GPR161: variants seen among roughly 807,000 people sequenced by gnomAD.
The protein encoded by GPR161 is G protein-coupled receptor 161, also known as G-protein coupled receptor RE2.
In GPR161, 25 loss-of-function variants were observed where a neutral mutation model predicts 39.2. The ratio of observed to expected loss-of-function variants is 0.64; its 90% CI spans 0.47 to 0.89. The LOEUF is 0.89. Among genes scored for constraint, GPR161 ranks in the 40% least tolerant of loss-of-function variants. GPR161 has a pLI of 0.00. For synonymous variants in GPR161, 286 were observed against 276.6 expected (o/e 1.03, Z -0.34); for missense variants, 547 against 677.8 (o/e 0.81, Z 2.14).
Position 168,096,872 on chromosome 1 carries a change from G to A in GPR161, c.735C>T (p.Ser245=), listed in dbSNP as rs558255255. 1 of 1,614,158 alleles carries A rather than the reference G, an allele frequency of 6.2e-7. No individual in the cohort carries two copies. The highest frequency in any genetic ancestry group is 1.1e-5 in the South Asian group (1 of 91,080). The part of the protein sequence containing the change: ...QRTGRKNSST[S]TSSSGSRRNA... ...TCCTCCTGCTGCCTGAAGAGGAGGT[G>A]GAGGTGCTGGAGTTCTTCCTCCCGG... The change falls in exon 3 of 6, where the codon TCC becomes TCT. Residue 245 remains serine (S), a synonymous_variant. Transcript: ENST00000682931.
At chr1:168,100,997 T>C (rs190250598) in intron 2 of GPR161, among the ~76,000 whole-genome samples, 1 of 152,302 alleles carries the variant, frequency 6.6e-6, no homozygotes, top group East Asian at 1.9e-4. Context: ...GTTTAGGACA[T>C]TGACAAACTG....
At chr1:168,136,426 C>A in intron 1 of GPR161, 1 of 1,349,890 alleles carries the variant, frequency 7.4e-7, no homozygotes, top group Non-Finnish European at 9.5e-7. Flanking sequence ...CTTCGGGCGG[C>A]GCCGGAGAAA....
intron 1 of GPR161, among the ~76,000 whole-genome samples, chr1:168,120,107 T>C (rs1382014451): frequency 1.3e-5 from 2 of 152,152 alleles, no homozygotes; most frequent in Admixed American, 6.5e-5. Context: ...ACTTGCACCA[T>C]GCACCTGGAA....
At chr1:168,128,315 T>C (rs1484940601) in intron 1 of GPR161, among the ~76,000 whole-genome samples, 1 of 152,184 alleles carries the variant, frequency 6.6e-6, no homozygotes, top group Non-Finnish European at 1.5e-5. Flanking sequence ...TCAATCCCCA[T>C]TCTCCAGATC....
intron 1 of GPR161, among the ~76,000 whole-genome samples, chr1:168,111,041 G>A (rs1229696418): frequency 6.6e-6 from 1 of 152,136 alleles, no homozygotes; most frequent in Non-Finnish European, 1.5e-5. Flanking sequence ...GTTCCTAGAA[G>A]AAACGTCCGA....
intron 2 of GPR161, among the ~76,000 whole-genome samples, chr1:168,103,132 G>C (rs2102166047): frequency 6.6e-6 from 1 of 152,198 alleles, no homozygotes; most frequent in South Asian, 2.1e-4. Context: ...CCAGTAACAG[G>C]GGACTGTGAA....
Position 168,079,824 on chromosome 1 carries a change from T to C in GPR161, c.*5707A>G, listed in dbSNP as rs1307732748. 1 of 152,212 alleles carries C rather than the reference T, an allele frequency of 6.6e-6. No homozygotes were observed. The highest frequency in any genetic ancestry group is 1.5e-5 in the Non-Finnish European group (1 of 68,044). The allele number at this position is 152,212 out of a possible 1,614,324, so 9.4% of individuals were successfully genotyped here. On this transcript the variant is annotated 3_prime_UTR_variant, in exon 6 of 6. Transcript: ENST00000682931. The stretch of plus-strand genomic sequence containing the variant: ...TTCTACTGCTCTCAGTGTGGTCTTG[T>C]CTGCCAGGCCTGTGATTCTCCCTAG...
At chr1:168,116,182 G>A (rs1190502592) in intron 1 of GPR161, among the ~76,000 whole-genome samples, 3 of 152,164 alleles carry the variant, frequency 2.0e-5, no homozygotes, top group Non-Finnish European at 4.4e-5. Flanking sequence ...AGAGCAGAAT[G>A]CACCACTCCA....
At chr1:168,111,349 A>G (rs974105702) in intron 1 of GPR161, among the ~76,000 whole-genome samples, 1 of 152,224 alleles carries the variant, frequency 6.6e-6, no homozygotes, top group Non-Finnish European at 1.5e-5. Flanking sequence ...GGTCTAAACT[A>G]ATCACTATGT....
intron 1 of GPR161, among the ~76,000 whole-genome samples, chr1:168,119,237 T>TAC (rs2102225791): frequency 8.2e-6 from 1 of 121,262 alleles, no homozygotes; most frequent in Non-Finnish European, 1.7e-5. Context: ...CGTATATATA[T>TAC]ATATACACAT....
intron 1 of GPR161, among the ~76,000 whole-genome samples, chr1:168,116,530 A>C (rs1345012930): frequency 7.2e-5 from 11 of 152,172 alleles, no homozygotes; most frequent in South Asian, 2.1e-4. Context: ...AACTGAGATA[A>C]AGAAAGGGAA....
rs1471217962 is a variant in GPR161 at position 168,079,558 on chromosome 1, ATATT to A, written c.*5969_*5972del. The stretch of plus-strand genomic sequence containing the variant: ...TCCACAGTATACACATACCAAAAAC[ATATT>A]TAATCAGGTAAACAAAAATTCCAAA... On this transcript the variant is annotated 3_prime_UTR_variant, in exon 6 of 6. Transcript: ENST00000682931. 1 of 152,194 alleles carries A rather than the reference ATATT, an allele frequency of 6.6e-6. No homozygotes were observed. The highest frequency in any genetic ancestry group is 1.5e-5 in the Non-Finnish European group (1 of 68,044). 9.4% of individuals were successfully genotyped at this position (152,194 alleles called of 1,614,324 possible). A position where few individuals can be genotyped will look rare whatever the true frequency, so the allele number is the denominator to read the frequency against.
chr1:168,103,195 C>A (rs914352387), intron 2 of GPR161, among the ~76,000 whole-genome samples: 2 of 152,130 alleles, frequency 1.3e-5, no homozygotes, highest in Non-Finnish European at 2.9e-5. Flanking sequence ...TGAAAAATCA[C>A]CTTCTTCAAG....
intron 1 of GPR161, among the ~76,000 whole-genome samples, chr1:168,127,093 C>T (rs951657012): frequency 3.9e-5 from 6 of 152,104 alleles, no homozygotes; most frequent in African/African-American, 1.4e-4. Flanking sequence ...GGTAAAAGTA[C>T]GAGCAAAAAG....
At chr1:168,085,854 G>A in intron 5 of GPR161, 58 bp from the exon 6 acceptor site, 1 of 1,489,674 alleles carries the variant, frequency 6.7e-7, no homozygotes, top group Non-Finnish European at 9.1e-7. Flanking sequence ...GGACTACCTT[G>A]GGGACAAGCC....
At position 168,079,650 on chromosome 1, in the gene GPR161, A is replaced by G. The variant is rs918385534; in HGVS notation, c.*5881T>C. The G allele has an allele frequency of 1.1e-4, 16 of 152,220 alleles. No individual in the cohort carries two copies. The highest frequency in any genetic ancestry group is 5.9e-4 in the Admixed American group (9 of 15,282). The allele number at this position is 152,220 out of a possible 1,614,324, so 9.4% of individuals were successfully genotyped here. A position where few individuals can be genotyped will look rare whatever the true frequency, so the allele number is the denominator to read the frequency against. The stretch of plus-strand genomic sequence containing the variant: ...ATCCTAAACTTTTTTTTAACCTTAA[A>G]AAAATCATCCAAAGACTTCAAGTTA... On this transcript the variant is annotated 3_prime_UTR_variant, in exon 6 of 6. Transcript: ENST00000682931.
chr1:168,100,274 T>C (rs1479103927), intron 2 of GPR161, among the ~76,000 whole-genome samples: 1 of 144,756 alleles, frequency 6.9e-6, no homozygotes, highest in African/African-American at 2.6e-5. Flanking sequence ...AAAAAATGGG[T>C]ATATGTGTTC....
At chr1:168,096,461 A>C in intron 3 of GPR161, 47 bp downstream of exon 3, 1 of 1,575,112 alleles carries the variant, frequency 6.3e-7, no homozygotes, top group South Asian at 1.2e-5. Flanking sequence ...AGAGGACCAC[A>C]GATTTCATCT....
chr1:168,085,215 C>A lies in GPR161; in HGVS notation c.*316G>T. 2.2e-6 allele frequency: 1 copy of A among 454,042 alleles called. No homozygotes were observed. The highest frequency in any genetic ancestry group is 3.4e-5 in the Admixed American group (1 of 29,494). 28.1% of individuals were successfully genotyped at this position (454,042 alleles called of 1,614,324 possible). ...TTCCAAGCCCTTCGTCTCTGGTCCT[C>A]CCATGCCCCACCTCCCAAAAAGCCA... On this transcript the variant is annotated 3_prime_UTR_variant, in exon 6 of 6. Coordinates refer to ENST00000682931, the MANE Select transcript of GPR161 (RefSeq NM_001375883.1).
Sources: gnomAD v4.1 joint callset for allele counts (sites outside exome capture counted in the v4.1 genomes callset) on GRCh38, gnomAD v4.1.1 for gene constraint, MANE v1.5 for transcripts, NCBI Gene and HGNC (gene_info 2026-07-23, HGNC 2026-07-21) for gene names.